The following FER variants were observed in gnomAD, a reference collection of about 807,000 sequenced individuals.
The protein encoded by FER is tyrosine-protein kinase Fer.
A neutral mutation model predicts 111.0 loss-of-function variants in FER; 63 were observed. The ratio of observed to expected loss-of-function variants is 0.57; its 90% CI spans 0.46 to 0.70. The LOEUF (loss-of-function observed/expected upper bound fraction) is 0.70, where lower values mean the gene tolerates loss of function less well. FER is among the 30% of genes least tolerant of loss of function. The probability of loss-of-function intolerance (pLI) is 0.00; values close to 1 mark genes in which losing one functional copy is unlikely to be tolerated. For synonymous variants in FER, 327 were observed against 313.9 expected (o/e 1.04, Z -0.44); for missense variants, 914 against 954.0 (o/e 0.96, Z 0.55).
chr5:108,967,759 C>CAAAAAAAAAAAAAAAAAAA (rs774855414), intron 13 of FER, among the ~76,000 whole-genome samples: 14 of 34,450 alleles, frequency 4.1e-4, no homozygotes, highest in Non-Finnish European at 8.0e-4. Flanking sequence ...GACTCCGTCT[C>CAAAAAAAAAAAAAAAAAAA]AAAAAAAAAA....
chr5:108,835,270 C>T (rs540237488), intron 4 of FER, among the ~76,000 whole-genome samples: 2 of 139,730 alleles, frequency 1.4e-5, no homozygotes, highest in Non-Finnish European at 3.0e-5. Context: ...CAACCTCTGC[C>T]TCCCAGGTTC....
At chr5:108,940,830 G>A (rs927566554) in intron 10 of FER, among the ~76,000 whole-genome samples, 3 of 152,014 alleles carry the variant, frequency 2.0e-5, no homozygotes, top group Non-Finnish European at 4.4e-5. Flanking sequence ...GGGTGTGGGC[G>A]TGGGGAGGAG....
chr5:109,027,924 A>G (rs1237407644), intron 13 of FER, among the ~76,000 whole-genome samples: 1 of 152,218 alleles, frequency 6.6e-6, no homozygotes, highest in Non-Finnish European at 1.5e-5. Flanking sequence ...ATCTACTTGT[A>G]TAAAGATGTG....
chr5:109,073,482 C>G (rs538703146), intron 16 of FER, among the ~76,000 whole-genome samples: 1 of 152,190 alleles, frequency 6.6e-6, no homozygotes, highest in East Asian at 1.9e-4. Flanking sequence ...GTAATTGATC[C>G]TAGCTAAGGG....
intron 10 of FER, among the ~76,000 whole-genome samples, chr5:108,926,469 C>A (rs1234441219): frequency 6.6e-6 from 1 of 152,072 alleles, no homozygotes; most frequent in Non-Finnish European, 1.5e-5. Context: ...TGATGGCTAT[C>A]ACCCACCATC....
At chr5:108,913,723 A>C (rs78434300) in intron 10 of FER, among the ~76,000 whole-genome samples, 10,669 of 152,256 alleles carry the variant, frequency 0.07, 403 homozygotes, top group African/African-American at 0.11. Context: ...ACAGGAGCAC[A>C]ATTTATAATG....
At position 108,910,122 on chromosome 5, in the gene FER, G is replaced by A. The variant is rs117192084; in HGVS notation, c.1236+12274G>A. On this transcript the variant is annotated intron_variant, in intron 10 of 19. Coordinates refer to ENST00000281092, the MANE Select transcript of FER (RefSeq NM_005246.4). ...AAAAGTAATGCACCAATTAAAAATG[G>A]ACAAAGATTATGAATAAGATATTCA... Among the ~76,000 whole-genome samples, 68 of 152,004 alleles carry A rather than the reference G, an allele frequency of 4.5e-4. 1 individual carries two copies. In the East Asian group the frequency reaches 0.013, roughly 28 times the overall value.
At chr5:108,985,425 T>C (rs926293985) in intron 13 of FER, among the ~76,000 whole-genome samples, 12 of 151,390 alleles carry the variant, frequency 7.9e-5, no homozygotes, top group African/African-American at 2.7e-4. Context: ...TTTTTAAAAG[T>C]TTTTTTTTCT....
intron 1 of FER, among the ~76,000 whole-genome samples, chr5:108,767,332 A>G (rs781675413): frequency 9.2e-5 from 14 of 152,120 alleles, no homozygotes; most frequent in Non-Finnish European, 1.5e-4. Flanking sequence ...TAAATAAATA[A>G]AACATATGAA....
At chr5:109,145,201 A>G (rs1009813870) in intron 17 of FER, among the ~76,000 whole-genome samples, 1 of 152,042 alleles carries the variant, frequency 6.6e-6, no homozygotes, top group Non-Finnish European at 1.5e-5. Flanking sequence ...AATGTTGCAC[A>G]TGCATAAAGT....
intron 3 of FER, among the ~76,000 whole-genome samples, chr5:108,806,659 G>A (rs1009732226): frequency 1.3e-5 from 2 of 152,224 alleles, no homozygotes; most frequent in Non-Finnish European, 2.9e-5. Flanking sequence ...GGAGCTTTGA[G>A]ATTTGACTGC....
intron 3 of FER, among the ~76,000 whole-genome samples, chr5:108,809,487 T>C (rs879477372): frequency 2.6e-4 from 40 of 152,228 alleles, no homozygotes; most frequent in Admixed American, 2.4e-3. Flanking sequence ...TGAAGTTTCT[T>C]TGTATTGAAT....
intron 10 of FER, among the ~76,000 whole-genome samples, chr5:108,917,187 C>T (rs552150076): frequency 6.6e-6 from 1 of 152,200 alleles, no homozygotes; most frequent in Admixed American, 6.5e-5. Context: ...CTATTTAACT[C>T]AACAGAAATT....
intron 11 of FER, 92 bp downstream of exon 11, chr5:108,946,314 G>GTGTA (rs1489532098): frequency 1.2e-6 from 1 of 814,682 alleles, no homozygotes; most frequent in African/African-American, 1.7e-5. Context: ...GTGTGTGTGT[G>GTGTA]TGTATATATA....
chr5:108,807,264 A>G (rs1024354949), intron 3 of FER, among the ~76,000 whole-genome samples: 3 of 152,108 alleles, frequency 2.0e-5, no homozygotes, highest in Admixed American at 1.3e-4. Flanking sequence ...GTCCAGTTAA[A>G]CCTCTGTCTT....
chr5:109,046,824 C>T (rs1306954672), intron 15 of FER, among the ~76,000 whole-genome samples: 4 of 151,864 alleles, frequency 2.6e-5, no homozygotes, highest in East Asian at 1.9e-4. Context: ...TAAGAGGGTG[C>T]GTGTAGGTTG....
chr5:109,049,130 A>G (rs190715175), intron 16 of FER, among the ~76,000 whole-genome samples: 34 of 152,230 alleles, frequency 2.2e-4, no homozygotes, highest in African/African-American at 7.2e-4. Context: ...GTGTATTTTG[A>G]TTTATGTAAA....
At chr5:109,072,066 TATAA>T (rs1164145478) in intron 16 of FER, among the ~76,000 whole-genome samples, 3 of 151,930 alleles carry the variant, frequency 2.0e-5, no homozygotes, top group East Asian at 2.0e-4. Flanking sequence ...ATTTTTCTCA[TATAA>T]ATAAGACCAA....
At chr5:108,963,580 A>G (rs1482635514) in intron 13 of FER, among the ~76,000 whole-genome samples, 1 of 152,124 alleles carries the variant, frequency 6.6e-6, no homozygotes, top group African/African-American at 2.4e-5. Flanking sequence ...AAACAAAACA[A>G]AAAACAAAAT....
Sources: gnomAD v4.1 joint callset for allele counts (sites outside exome capture counted in the v4.1 genomes callset) on GRCh38, gnomAD v4.1.1 for gene constraint, MANE v1.5 for transcripts, NCBI Gene and HGNC (gene_info 2026-07-23, HGNC 2026-07-21) for gene names.